MYH4: variants seen among roughly 807,000 people sequenced by gnomAD.
MYH4 encodes myosin-4.
Under a neutral mutation model 229.9 loss-of-function variants are expected in MYH4, and 200 were observed. The observed-to-expected ratio is 0.87, with a 90% CI of 0.78 to 0.98. MYH4 has a LOEUF of 0.98. MYH4 is among the 50% of genes least tolerant of loss of function. The pLI, the probability that MYH4 is intolerant of heterozygous loss-of-function variation, is 0.00. For synonymous variants in MYH4, 761 were observed against 834.6 expected (o/e 0.91, Z 1.52); for missense variants, 2,148 against 2,332.6 (o/e 0.92, Z 1.63).
chr17:10,465,995 C>G (rs968885256), intron 4 of MYH4, among the ~76,000 whole-genome samples: 1 of 151,680 alleles, frequency 6.6e-6, no homozygotes, highest in East Asian at 1.9e-4. Flanking sequence ...GGGATGGTCT[C>G]GATCTCCTGA....
In MYH4 at chr17:10,464,521, G is replaced by A. The variant is rs942242241; in HGVS notation, c.599C>T (p.Ala200Val). The A allele has an allele frequency of 3.7e-6, 6 of 1,613,848 alleles. No homozygotes were observed. Among genetic ancestry groups the A allele is most frequent in the Non-Finnish European group, 5.1e-6 (6 of 1,179,996 alleles). Residue 200 changes from alanine to valine, a missense_variant, in exon 7 of 40, where the codon GCA becomes GTA. Physicochemically the swap from Ala to Val is moderately conservative, Grantham distance 64. Transcript: ENST00000255381. ...CTCTTTTTTCTTCTCTCCAGTAACT[G>A]CAATTGTTGCAAAGTACTGGATGAC... ...KRVIQYFATI[A>V]VTGEKKKEEP...
chr17:10,464,631 G>C, intron 6 of MYH4, 45 bp from the exon 7 acceptor site: 2 of 1,612,156 alleles, frequency 1.2e-6, no homozygotes, highest in Non-Finnish European at 1.7e-6. Context: ...TAAGGTAGTA[G>C]TAGCCACTAC....
chr17:10,447,694 A>C lies in MYH4; in HGVS notation c.4965+124T>G. ...TTCAGTTGTGTGTGTATAACTTTGA[A>C]CTTTGAACTGATTACCATGTTGCTT... On this transcript the variant is annotated intron_variant, in intron 34 of 39. Coordinates refer to ENST00000255381, the MANE Select transcript of MYH4 (RefSeq NM_017533.2). 3 of 986,074 alleles carry C rather than the reference A, an allele frequency of 3.0e-6. No individual in the cohort carries two copies. In the South Asian group the frequency reaches 5.2e-5, roughly 17 times the overall value. 61.1% of individuals were successfully genotyped at this position (986,074 alleles called of 1,614,324 possible).
chr17:10,452,103 C>A lies in MYH4; in HGVS notation c.3576G>T (p.Thr1192=), dbSNP rs112652869. 8.7e-6 allele frequency: 14 copies of A among 1,613,994 alleles called. No homozygotes were observed. Among genetic ancestry groups the A allele is most frequent in the Non-Finnish European group, 1.2e-5 (14 of 1,179,958 alleles). The change falls in exon 27 of 40, where the codon ACG becomes ACT. Residue 1192 remains threonine (T), a synonymous_variant. Coordinates refer to ENST00000255381, the MANE Select transcript of MYH4 (RefSeq NM_017533.2). ...LEESTLQHEA[T]AAALRKKHAD... ...CGTGCTTCTTCCGAAGAGCAGCTGC[C>A]GTGGCTTCGTGCTGCAGGGTGGACT...
chr17:10,446,914 G>A (rs2072517522), intron 35 of MYH4, 99 bp downstream of exon 35: 7 of 1,251,542 alleles, frequency 5.6e-6, no homozygotes, highest in Admixed American at 4.1e-5. Context: ...GCTCCAGGAA[G>A]GGACGAAGAT....
Position 10,460,930 on chromosome 17 carries a change from G to A in MYH4, c.1133C>T (p.Pro378Leu). ...GGGGGTGGTACCTTCCGTGCCATCTGGCTCTGCCTGCTCTTCCCTTTGCTT... is the reference window on the plus strand; with the variant it reads ...GGGGGTGGTACCTTCCGTGCCATCTAGCTCTGCCTGCTCTTCCCTTTGCTT... ...KQKQREEQAEPDGTEVADKAA... is the reference protein window; with the variant it reads ...KQKQREEQAELDGTEVADKAA... Residue 378 changes from proline (P) to leucine (L), a missense_variant, in exon 12 of 40, where the codon CCA becomes CTA. Pro to Leu is a moderately conservative substitution (Grantham distance 98, BLOSUM62 -3). Coordinates refer to ENST00000255381, the MANE Select transcript of MYH4 (RefSeq NM_017533.2). The A allele has an allele frequency of 6.2e-7, 1 of 1,614,038 alleles. No individual in the cohort carries two copies. Among genetic ancestry groups the A allele is most frequent in the South Asian group, 1.1e-5 (1 of 91,064 alleles).
rs765768632 is a variant in MYH4 at position 10,466,672 on chromosome 17, A to G, written c.74T>C (p.Ile25Thr). 7.9e-5 allele frequency: 127 copies of G among 1,614,042 alleles called. 1 individual carries two copies. The Admixed American group carries it at 1.7e-3, about 22-fold the overall frequency. ...PFLRKSEKER[I>T]EAQNKPFDAK... ...ATCAAAAGGCTTGTTCTGAGCTTCA[A>G]TTCGCTCCTTTTCAGACTTTCGGAG... Residue 25 changes from isoleucine (I) to threonine (T), a missense_variant, in exon 3 of 40, where the codon ATT (isoleucine) becomes ACT (threonine). Coordinates refer to ENST00000255381, the MANE Select transcript of MYH4 (RefSeq NM_017533.2).
In MYH4 at chr17:10,455,700, C is replaced by T. The variant is rs1300723201; in HGVS notation, c.2088G>A (p.Gln696=). ...GAMEHELVLH[Q]LRCNGVLEGI... ...CTTCCAGCACACCGTTACACCTCAG[C>T]TGATGCAGGACAAGCTCATGCTCCA... Residue 696 remains glutamine, a synonymous_variant, in exon 19 of 40, where the codon CAG becomes CAA. Transcript: ENST00000255381. 1 of 1,614,082 alleles carries T rather than the reference C, an allele frequency of 6.2e-7. No homozygotes were observed. The highest frequency in any genetic ancestry group is 1.3e-5 in the African/African-American group (1 of 74,926).
At chr17:10,460,813 C>T (rs2072693092) in intron 12 of MYH4, 103 bp downstream of exon 12, 3 of 1,215,652 alleles carry the variant, frequency 2.5e-6, no homozygotes, top group African/African-American at 3.0e-5. Flanking sequence ...AATACTTTTG[C>T]CCTTCACGAG....
At chr17:10,462,206 A>G (rs2072710645) in intron 11 of MYH4, among the ~76,000 whole-genome samples, 1 of 152,246 alleles carries the variant, frequency 6.6e-6, no homozygotes, top group African/African-American at 2.4e-5. Context: ...AAGATTATTC[A>G]GAAATCAAAA....
At position 10,452,466 on chromosome 17, in the gene MYH4, C is replaced by T. The variant is rs1278100620; in HGVS notation, c.3298G>A (p.Asp1100Asn). The T allele has an allele frequency of 1.2e-6, 2 of 1,614,100 alleles. No homozygotes were observed. Among genetic ancestry groups the T allele is most frequent in the Middle Eastern group, 1.7e-4 (1 of 6,052 alleles). Residue 1100 changes from aspartate (D) to asparagine (N), a missense_variant, in exon 26 of 40, where the codon GAT becomes AAT. Transcript: ENST00000255381. ...EMSNLQGKIEDEQALAIQLQK... is the reference protein window; with the variant it reads ...EMSNLQGKIENEQALAIQLQK... ...AGCTGTATTGCAAGGGCTTGTTCAT[C>T]TTCAATCTTGCCTTGCAGATTGCTC...
chr17:10,464,467 C>T lies in MYH4; in HGVS notation c.648+5G>A, dbSNP rs770904489. On this transcript the variant is annotated splice_donor_5th_base_variant and intron_variant, in intron 7 of 39. Transcript: ENST00000255381. ...ATTCTGTCCTTAGATGAATATCATG[C>T]CCACCTGCATTTTGCCAGAGGCAGG... 9.3e-6 allele frequency: 15 copies of T among 1,608,888 alleles called. No individual in the cohort carries two copies. Among genetic ancestry groups the T allele is most frequent in the Non-Finnish European group, 8.5e-7 (1 of 1,176,764 alleles).
In MYH4 at chr17:10,466,893, C is replaced by A; in HGVS notation, c.-39-109G>T. On this transcript the variant is annotated intron_variant, in intron 2 of 39. Coordinates refer to ENST00000255381, the MANE Select transcript of MYH4 (RefSeq NM_017533.2). Reference sequence around the variant, plus strand: ...TTCCATGCTTGTTTCCTCACCCCTGCCTTTAGGGACCACTCCTGTATACTA... The same window carrying A: ...TTCCATGCTTGTTTCCTCACCCCTGACTTTAGGGACCACTCCTGTATACTA... 2 of 902,626 alleles carry A rather than the reference C, an allele frequency of 2.2e-6. 1 individual carries two copies. Among genetic ancestry groups the A allele is most frequent in the African/African-American group, 3.3e-5 (2 of 59,994 alleles). The allele number at this position is 902,626 out of a possible 1,614,324, so 55.9% of individuals were successfully genotyped here.
At position 10,448,015 on chromosome 17, in the gene MYH4, G is replaced by C; in HGVS notation, c.4768C>G (p.Leu1590Val). ...IAEKDEELDQLKRNHLRVVES... is the reference protein window; with the variant it reads ...IAEKDEELDQVKRNHLRVVES... ...ACAACTCTGAGATGGTTCCTCTTTA[G>C]CTGATCGAGTTCTTCATCTTTTTCA... Residue 1590 changes from leucine (L) to valine (V), a missense_variant, in exon 34 of 40, where the codon CTA (leucine) becomes GTA (valine). Leu to Val is a conservative substitution (Grantham distance 32, BLOSUM62 1). Coordinates refer to ENST00000255381, the MANE Select transcript of MYH4 (RefSeq NM_017533.2). 6.2e-7 allele frequency: 1 copy of C among 1,613,956 alleles called. No individual in the cohort carries two copies. Among genetic ancestry groups the C allele is most frequent in the South Asian group, 1.1e-5 (1 of 91,074 alleles).
chr17:10,445,142 G>A lies in MYH4; in HGVS notation c.5300C>T (p.Ala1767Val), dbSNP rs1422252304. The change falls in exon 37 of 40, where the codon GCC (alanine) becomes GTC (valine). Residue 1767 changes from alanine to valine, a missense_variant. By Grantham distance (64) the Ala-to-Val change is moderately conservative. Coordinates refer to ENST00000255381, the MANE Select transcript of MYH4 (RefSeq NM_017533.2). Reference protein sequence around the residue: ...EKAKKAITDAAMMAEELKKEQ... With the variant: ...EKAKKAITDAVMMAEELKKEQ... ...CTTCTTCAGCTCCTCAGCCATCATGGCAGCCTAGTTAGCAAATAAATTTTG... is the reference window on the plus strand; with the variant it reads ...CTTCTTCAGCTCCTCAGCCATCATGACAGCCTAGTTAGCAAATAAATTTTG... 6.2e-7 allele frequency: 1 copy of A among 1,614,174 alleles called. No individual in the cohort carries two copies. The highest frequency in any genetic ancestry group is 1.7e-5 in the Admixed American group (1 of 60,020).
chr17:10,466,615 T>A lies in MYH4; in HGVS notation c.131A>T (p.Lys44Met). The change falls in exon 3 of 40, where the codon AAG becomes ATG. Residue 44 changes from lysine (K) to methionine (M), a missense_variant. Transcript: ENST00000255381. ...AKTSVFVVDP[K>M]ESYVKAIVQS... ...CACTATTGCTTTCACGTAGGACTCC[T>A]TAGGGTCCACCACAAAGACTGATGT... The A allele has an allele frequency of 6.2e-7, 1 of 1,614,086 alleles. No homozygotes were observed. Among genetic ancestry groups the A allele is most frequent in the Non-Finnish European group, 8.5e-7 (1 of 1,180,034 alleles).
At chr17:10,450,285 C>A (rs2072558075) in intron 30 of MYH4, among the ~76,000 whole-genome samples, 168 bp downstream of exon 30, 1 of 152,124 alleles carries the variant, frequency 6.6e-6, no homozygotes, top group African/African-American at 2.4e-5. Flanking sequence ...CTCCAGTGGA[C>A]ATACACTGGG....
At chr17:10,460,156 G>A in intron 13 of MYH4, 47 bp downstream of exon 13, 1 of 1,613,070 alleles carries the variant, frequency 6.2e-7, no homozygotes, top group Non-Finnish European at 8.5e-7. Context: ...ATGAACTCCT[G>A]AGTCACTTGC....
At chr17:10,447,287 A>C in intron 34 of MYH4, 71 bp from the exon 35 acceptor site, 2 of 1,336,546 alleles carry the variant, frequency 1.5e-6, no homozygotes, top group East Asian at 2.3e-5. Context: ...GGTCATGTAC[A>C]CTCTTTGATC....
Sources: allele counts gnomAD v4.1 joint callset (sites outside exome capture counted in the v4.1 genomes callset), GRCh38; gene constraint gnomAD v4.1.1; transcripts MANE v1.5; gene names NCBI Gene and HGNC (gene_info 2026-07-23, HGNC 2026-07-21).